DPP10: variants seen among roughly 807,000 people sequenced by gnomAD.
DPP10 encodes dipeptidyl peptidase like 10.
A neutral mutation model predicts 120.9 loss-of-function variants in DPP10; 33 were observed. That is an observed-to-expected ratio of 0.27 (90% CI 0.21 to 0.37). The LOEUF (loss-of-function observed/expected upper bound fraction) is 0.37. Ranked by LOEUF, DPP10 falls within the 10% of genes least tolerant of loss-of-function variation. DPP10 has a pLI of 1.00. For missense variants in DPP10, 816 were observed against 942.8 expected, an observed-to-expected ratio of 0.87 and a Z score of 1.76; for synonymous variants, 337 against 326.1, an observed-to-expected ratio of 1.03 and a Z score of -0.36.
At chr2:114,723,834 A>G (rs115567870) in intron 1 of DPP10, among the ~76,000 whole-genome samples, 398 of 152,156 alleles carry the variant, frequency 2.6e-3, no homozygotes, top group African/African-American at 8.7e-3. Context: ...AATATGTCAT[A>G]TCTAAATAAA....
intron 1 of DPP10, among the ~76,000 whole-genome samples, chr2:115,157,775 T>G (rs1173684498): frequency 6.6e-6 from 1 of 152,186 alleles, no homozygotes; most frequent in Admixed American, 6.5e-5. Flanking sequence ...TTGGGCATAT[T>G]TCAGGCCAAG....
Position 115,511,701 on chromosome 2 carries a change from TTTC to T in DPP10, c.366+12127_366+12129del, listed in dbSNP as rs565620236. On this transcript the variant is annotated intron_variant, in intron 4 of 25. Transcript: ENST00000410059. Reference sequence around the variant, plus strand: ...ATTTTCTTCTTGCCCTTTTTTCTTCTTTCTTCTTCTTCTTCTTCTTCTTCTTCT... The same window carrying T: ...ATTTTCTTCTTGCCCTTTTTTCTTCTTTCTTCTTCTTCTTCTTCTTCTTCT... Among the ~76,000 whole-genome samples the T allele has an allele frequency of 4.6e-3, 605 of 130,332 alleles. 10 individuals carry two copies. The highest frequency in any genetic ancestry group is 0.022 in the East Asian group (89 of 4,124). The allele number at this position is 130,332 out of a possible 152,430, so 85.5% of individuals were successfully genotyped here.
chr2:115,695,469 G>A (rs779744749), intron 7 of DPP10, among the ~76,000 whole-genome samples: 3 of 152,088 alleles, frequency 2.0e-5, no homozygotes, highest in African/African-American at 4.8e-5. Flanking sequence ...GGCAAAGGAA[G>A]AGCAAAGTCA....
At chr2:115,463,160 T>C (rs189304813) in intron 3 of DPP10, among the ~76,000 whole-genome samples, 67 of 152,310 alleles carry the variant, frequency 4.4e-4, no homozygotes, top group African/African-American at 1.5e-3. Flanking sequence ...GAGGGATAAA[T>C]GACCAACTCT....
chr2:114,966,000 AAAAGAAAGAT>A (rs1214665318), intron 1 of DPP10, among the ~76,000 whole-genome samples: 1 of 151,672 alleles, frequency 6.6e-6, no homozygotes, highest in African/African-American at 2.4e-5. Context: ...AAAAAAAAGA[AAAAGAAAGAT>A]AAAGAGGAAC....
chr2:115,013,402 C>A (rs1558991302), intron 1 of DPP10, among the ~76,000 whole-genome samples: 1 of 152,058 alleles, frequency 6.6e-6, no homozygotes, highest in African/African-American at 2.4e-5. Flanking sequence ...GGTAACCCAG[C>A]CTTTCTCTCT....
intron 1 of DPP10, among the ~76,000 whole-genome samples, chr2:114,946,651 T>C (rs1020883366): frequency 3.3e-5 from 5 of 152,118 alleles, no homozygotes; most frequent in Admixed American, 3.3e-4. Flanking sequence ...AATCCATGTT[T>C]TATTATCCTT....
chr2:114,647,939 C>T (rs888405448), intron 1 of DPP10, among the ~76,000 whole-genome samples: 1 of 152,008 alleles, frequency 6.6e-6, no homozygotes, highest in African/African-American at 2.4e-5. Context: ...TGTTCTATGG[C>T]ATTTCTGCAT....
At chr2:115,752,329 C>T (rs992932983) in intron 10 of DPP10, among the ~76,000 whole-genome samples, 3 of 152,030 alleles carry the variant, frequency 2.0e-5, no homozygotes, top group Non-Finnish European at 2.9e-5. Context: ...CATTTTGTTG[C>T]GTGTGAGTTG....
intron 3 of DPP10, among the ~76,000 whole-genome samples, chr2:115,382,761 C>T (rs928324947): frequency 6.6e-6 from 1 of 152,190 alleles, no homozygotes; most frequent in Non-Finnish European, 1.5e-5. Flanking sequence ...TTTCCATTTA[C>T]ATTTGTTCCC....
chr2:114,750,960 T>C (rs1212443198), intron 1 of DPP10, among the ~76,000 whole-genome samples: 1 of 152,204 alleles, frequency 6.6e-6, no homozygotes, highest in Non-Finnish European at 1.5e-5. Context: ...AACTATGATC[T>C]GGAAGTTGAA....
At chr2:115,166,567 TTATAA>T (rs2052887393) in intron 1 of DPP10, among the ~76,000 whole-genome samples, 1 of 147,082 alleles carries the variant, frequency 6.8e-6, no homozygotes, top group Non-Finnish European at 1.5e-5. Flanking sequence ...TTATATAAAT[TTATAA>T]TATAAATATT....
At chr2:114,974,009 G>A (rs993139878) in intron 1 of DPP10, among the ~76,000 whole-genome samples, 1 of 152,100 alleles carries the variant, frequency 6.6e-6, no homozygotes, top group Non-Finnish European at 1.5e-5. Context: ...TTTAAATTAA[G>A]TGTTATTACA....
chr2:114,655,820 T>G (rs1696927241), intron 1 of DPP10, among the ~76,000 whole-genome samples: 1 of 152,118 alleles, frequency 6.6e-6, no homozygotes, highest in South Asian at 2.1e-4. Context: ...AAGCTATAGG[T>G]AAGGATTCAT....
At chr2:115,682,547 CAG>C (rs2090732439) in intron 5 of DPP10, among the ~76,000 whole-genome samples, 1 of 151,788 alleles carries the variant, frequency 6.6e-6, no homozygotes, top group Admixed American at 6.6e-5. Flanking sequence ...ATTTATATAA[CAG>C]GGAATATATC....
chr2:114,476,175 T>C (rs1680355784), intron 1 of DPP10, among the ~76,000 whole-genome samples: 1 of 152,236 alleles, frequency 6.6e-6, no homozygotes, highest in African/African-American at 2.4e-5. Flanking sequence ...TGATGTACTT[T>C]ACTAATCATG....
At chr2:115,058,825 A>C (rs1167985332) in intron 1 of DPP10, among the ~76,000 whole-genome samples, 1 of 152,038 alleles carries the variant, frequency 6.6e-6, no homozygotes, top group African/African-American at 2.4e-5. Flanking sequence ...ACAACCATTC[A>C]CAGCCTTGGT....
At chr2:114,791,105 G>T (rs1247651315) in intron 1 of DPP10, among the ~76,000 whole-genome samples, 2 of 152,160 alleles carry the variant, frequency 1.3e-5, no homozygotes, top group Non-Finnish European at 2.9e-5. Flanking sequence ...TATTCTGGGA[G>T]TAAAGAAATA....
At chr2:115,290,599 G>T (rs1211758191) in intron 1 of DPP10, among the ~76,000 whole-genome samples, 1 of 152,094 alleles carries the variant, frequency 6.6e-6, no homozygotes, top group Non-Finnish European at 1.5e-5. Context: ...GCCTATTCAG[G>T]TAATACTAGC....
Sources: allele counts gnomAD v4.1 joint callset (sites outside exome capture counted in the v4.1 genomes callset), GRCh38; gene constraint gnomAD v4.1.1; transcripts MANE v1.5; gene names NCBI Gene and HGNC (gene_info 2026-07-23, HGNC 2026-07-21).